ZNF277: variants seen among roughly 807,000 people sequenced by gnomAD.
ZNF277 encodes the protein zinc finger protein 277.
ZNF277 carries 55 observed loss-of-function variants against 60.7 expected under a neutral mutation model. The observed-to-expected ratio is 0.91, with a 90% CI of 0.73 to 1.13. The LOEUF is 1.13. Ranked by LOEUF, ZNF277 falls within the 50% of genes most tolerant of loss-of-function variation. The pLI is 0.00. For missense variants in ZNF277, 510 were observed against 523.0 expected (o/e 0.98, Z 0.24); for synonymous variants, 178 against 179.3 (o/e 0.99, Z 0.06).
chr7:112,340,979 A>G lies in ZNF277; in HGVS notation c.1117A>G (p.Arg373Gly). The G allele has an allele frequency of 6.2e-7, 1 of 1,611,420 alleles. No homozygotes were observed. The highest frequency in any genetic ancestry group is 8.5e-7 in the Non-Finnish European group (1 of 1,179,176). Reference sequence around the variant, plus strand: ...GAAGTTCAAATCCAAAGCAGACTTAAGAACTCACATGGAAGAAACTAAACA... The same window carrying G: ...GAAGTTCAAATCCAAAGCAGACTTAGGAACTCACATGGAAGAAACTAAACA... ...HVKFKSKADLRTHMEETKHTS... is the reference protein window; with the variant it reads ...HVKFKSKADLGTHMEETKHTS... The change falls in exon 11 of 12, where the codon AGA becomes GGA. Residue 373 changes from arginine (R) to glycine (G), a missense_variant. By Grantham distance (125) the Arg-to-Gly change is moderately radical (BLOSUM62 -2). Transcript: ENST00000361822.
At chr7:112,210,436 T>G (rs528569313) in intron 1 of ZNF277, among the ~76,000 whole-genome samples, 1 of 149,988 alleles carries the variant, frequency 6.7e-6, no homozygotes, top group Non-Finnish European at 1.5e-5. Flanking sequence ...AGGTCAAGGA[T>G]TTTTTTGCTT....
intron 4 of ZNF277, among the ~76,000 whole-genome samples, chr7:112,301,028 A>T (rs1316619763): frequency 6.6e-6 from 1 of 152,162 alleles, no homozygotes; most frequent in African/African-American, 2.4e-5. Context: ...TAATGTTACT[A>T]TTAATTGATT....
chr7:112,260,863 G>A (rs939191415), intron 1 of ZNF277, among the ~76,000 whole-genome samples: 1 of 152,160 alleles, frequency 6.6e-6, no homozygotes, highest in Non-Finnish European at 1.5e-5. Flanking sequence ...TTGAGTGATT[G>A]TGTTTTTCAT....
chr7:112,269,485 A>C (rs1327183648), intron 1 of ZNF277, among the ~76,000 whole-genome samples: 3 of 152,286 alleles, frequency 2.0e-5, no homozygotes, highest in African/African-American at 4.8e-5. Flanking sequence ...GGAAAAAAAC[A>C]CTGGAACTGT....
At chr7:112,227,105 G>A (rs1447742087) in intron 1 of ZNF277, among the ~76,000 whole-genome samples, 1 of 152,114 alleles carries the variant, frequency 6.6e-6, no homozygotes, top group East Asian at 1.9e-4. Context: ...GTGGCAATAC[G>A]TTAGTGAATC....
chr7:112,254,209 C>G (rs752851006), intron 1 of ZNF277, among the ~76,000 whole-genome samples: 1 of 152,170 alleles, frequency 6.6e-6, no homozygotes, highest in Non-Finnish European at 1.5e-5. Context: ...TCTTCTTCCC[C>G]ACATTCATAT....
intron 1 of ZNF277, among the ~76,000 whole-genome samples, chr7:112,232,095 G>T (rs1822354681): frequency 7.2e-6 from 1 of 139,218 alleles, no homozygotes; most frequent in South Asian, 2.2e-4. Context: ...TCCCTTAACT[G>T]AAAGTTATCT....
At chr7:112,339,964 A>C (rs1793411756) in intron 10 of ZNF277, 79 bp downstream of exon 10, 2 of 1,353,408 alleles carry the variant, frequency 1.5e-6, no homozygotes, top group African/African-American at 2.9e-5. Context: ...TATGTTCAGT[A>C]GCTATGATTG....
chr7:112,218,832 A>G (rs888943231), intron 1 of ZNF277, among the ~76,000 whole-genome samples: 6 of 152,232 alleles, frequency 3.9e-5, no homozygotes, highest in Non-Finnish European at 7.3e-5. Context: ...TATTGTGTAT[A>G]TATATGCACC....
At chr7:112,303,797 AT>A (rs982562441) in intron 4 of ZNF277, among the ~76,000 whole-genome samples, 1 of 151,438 alleles carries the variant, frequency 6.6e-6, no homozygotes, top group African/African-American at 2.4e-5. Flanking sequence ...CTCCTAGTTT[AT>A]TTTTTTTGGA....
chr7:112,217,127 C>G (rs1821906430), intron 1 of ZNF277, among the ~76,000 whole-genome samples: 1 of 152,082 alleles, frequency 6.6e-6, no homozygotes. Flanking sequence ...ATCTTATGAC[C>G]TAATAGGGAG....
intron 1 of ZNF277, among the ~76,000 whole-genome samples, chr7:112,235,512 G>A (rs1398641265): frequency 6.6e-6 from 1 of 152,018 alleles, no homozygotes; most frequent in East Asian, 1.9e-4. Flanking sequence ...AGTAACTAAT[G>A]ATATTAAGCA....
intron 1 of ZNF277, among the ~76,000 whole-genome samples, chr7:112,248,689 TATG>T (rs1339936353): frequency 6.6e-6 from 1 of 152,132 alleles, no homozygotes; most frequent in Non-Finnish European, 1.5e-5. Context: ...TATGTGTATA[TATG>T]CATTTTTTTA....
At chr7:112,318,757 T>C (rs1396316980) in intron 5 of ZNF277, among the ~76,000 whole-genome samples, 1 of 151,974 alleles carries the variant, frequency 6.6e-6, no homozygotes, top group Non-Finnish European at 1.5e-5. Context: ...TTTACATATT[T>C]AAGGGCACAG....
chr7:112,242,228 CAACA>C (rs1421944237), intron 1 of ZNF277, among the ~76,000 whole-genome samples: 1 of 151,928 alleles, frequency 6.6e-6, no homozygotes, highest in Admixed American at 6.6e-5. Context: ...TAAAAGCTCT[CAACA>C]AACTAGGCAT....
At chr7:112,324,163 A>T (rs1243438627) in intron 5 of ZNF277, among the ~76,000 whole-genome samples, 3 of 152,220 alleles carry the variant, frequency 2.0e-5, no homozygotes, top group Admixed American at 6.5e-5. Flanking sequence ...GTCAAAAAAA[A>T]TTTAATATAC....
intron 4 of ZNF277, among the ~76,000 whole-genome samples, chr7:112,315,821 C>A (rs1395886453): frequency 6.6e-6 from 1 of 152,044 alleles, no homozygotes; most frequent in Non-Finnish European, 1.5e-5. Flanking sequence ...GTGTTCTAAG[C>A]CCCAAATGCT....
chr7:112,262,983 AG>A (rs1448256266), intron 1 of ZNF277, among the ~76,000 whole-genome samples: 1 of 152,206 alleles, frequency 6.6e-6, no homozygotes, highest in Non-Finnish European at 1.5e-5. Flanking sequence ...ATATTTGCTC[AG>A]GGAGTGTATT....
intron 2 of ZNF277, among the ~76,000 whole-genome samples, chr7:112,291,859 A>G (rs1215764422): frequency 6.6e-6 from 1 of 152,214 alleles, no homozygotes; most frequent in African/African-American, 2.4e-5. Flanking sequence ...ATACCACAGT[A>G]AGATATGATG....
Sources: allele counts gnomAD v4.1 joint callset (sites outside exome capture counted in the v4.1 genomes callset), GRCh38; gene constraint gnomAD v4.1.1; transcripts MANE v1.5; gene names NCBI Gene and HGNC (gene_info 2026-07-23, HGNC 2026-07-21).